MYO7A: variants seen among roughly 807,000 people sequenced by gnomAD.
MYO7A encodes the protein myosin VIIA, also known as unconventional myosin-VIIa.
MYO7A carries 210 observed loss-of-function variants against 263.8 expected under a neutral mutation model. The observed-to-expected ratio is 0.80, with a 90% CI of 0.71 to 0.89. The LOEUF is 0.89. Among genes scored for constraint, MYO7A ranks in the 40% least tolerant of loss-of-function variants. The pLI, the probability that MYO7A is intolerant of heterozygous loss-of-function variation, is 0.00. For synonymous variants in MYO7A, 1,239 were observed against 1,197.3 expected (o/e 1.03, Z -0.72); for missense variants, 2,820 against 2,968.3 (o/e 0.95, Z 1.16).
At chr11:77,177,951 A>G (rs1300682603) in intron 19 of MYO7A, among the ~76,000 whole-genome samples, 1 of 152,134 alleles carries the variant, frequency 6.6e-6, no homozygotes, top group African/African-American at 2.4e-5. Context: ...TGCTGATGAA[A>G]TTTTGCAAAG....
intron 32 of MYO7A, among the ~76,000 whole-genome samples, chr11:77,195,698 G>A (rs1436670644): frequency 6.6e-6 from 1 of 152,232 alleles, no homozygotes. Flanking sequence ...GCTCCTCAGA[G>A]TGTCTGTCCC....
At chr11:77,184,358 C>T (rs1186094946) in intron 26 of MYO7A, among the ~76,000 whole-genome samples, 2 of 152,128 alleles carry the variant, frequency 1.3e-5, no homozygotes, top group African/African-American at 2.4e-5. Context: ...GGAGCTCTGT[C>T]CCCAGAAGTG....
rs1466151988 is a variant in MYO7A at position 77,138,813 on chromosome 11, C to A, written c.19-3896C>A. ...GGTCTCCTCTCCAAACTATGTTTAG[C>A]AACTAGACACTAGCAAGATGCTTGG... On this transcript the variant is annotated intron_variant, in intron 2 of 48. Coordinates refer to ENST00000409709, the MANE Select transcript of MYO7A (RefSeq NM_000260.4). The surrounding 1 kb of genome is among the most constrained non-coding windows in gnomAD (Gnocchi z 4.9). 1.3e-5 allele frequency among the ~76,000 whole-genome samples: 2 copies of A among 152,230 alleles called. No individual in the cohort carries two copies. Among genetic ancestry groups the A allele is most frequent in the African/African-American group, 4.8e-5 (2 of 41,468 alleles).
Position 77,162,125 on chromosome 11 carries a change from A to T in MYO7A, c.1349A>T (p.Glu450Val), listed in dbSNP as rs1555069238. Residue 450 changes from glutamate to valine, a missense_variant, in exon 13 of 49, where the codon GAG (glutamate) becomes GTG (valine). Glu to Val is a moderately radical substitution (Grantham distance 121, BLOSUM62 -2). Coordinates refer to ENST00000409709, the MANE Select transcript of MYO7A (RefSeq NM_000260.4). ...CCATCCCTGTGCCCCTGCAGCTTTG[A>T]GCAGCTCTGCATCAACTTCGCCAAT... ...GFENFAVNSF[E>V]QLCINFANEH... is the part of the protein sequence containing the mutation. 6.3e-7 allele frequency: 1 copy of T among 1,598,688 alleles called. No homozygotes were observed. The highest frequency in any genetic ancestry group is 8.5e-7 in the Non-Finnish European group (1 of 1,172,698).
chr11:77,181,772 TTTTTTTG>T lies in MYO7A; in HGVS notation c.2905-172_2905-166del, dbSNP rs1268811703. 0.17 allele frequency among the ~76,000 whole-genome samples: 7,075 copies of T among 42,706 alleles called. 278 individuals are homozygous for T. The highest frequency in any genetic ancestry group is 0.3 in the Admixed American group (1,568 of 5,184). 28.0% of individuals were successfully genotyped at this position (42,706 alleles called of 152,430 possible). ...CTCTCCAACGCCCTTCTCAAGTTTT[TTTTTTTG>T]TTTTTTTTTTTTTTTTTTTTTTTGA... On this transcript the variant is annotated intron_variant, in intron 23 of 48. Coordinates refer to ENST00000409709, the MANE Select transcript of MYO7A (RefSeq NM_000260.4).
chr11:77,179,023 C>T lies in MYO7A; in HGVS notation c.2283-22C>T, dbSNP rs71469548. 7.6e-3 allele frequency: 12,045 copies of T among 1,577,320 alleles called. 53 individuals are homozygous for T. Among genetic ancestry groups the T allele is most frequent in the Non-Finnish European group, 9.7e-3 (11,290 of 1,161,234 alleles). The stretch of plus-strand genomic sequence containing the variant: ...TGGCTGCCTCTGGACACTGCTCACC[C>T]GCGCCACTACTGCTGTTTCAGGTCT... On this transcript the variant is annotated intron_variant, in intron 19 of 48. Transcript: ENST00000409709.
At chr11:77,160,883 G>T in intron 11 of MYO7A, 90 bp from the exon 12 acceptor site, 14 of 1,461,780 alleles carry the variant, frequency 9.6e-6, no homozygotes, top group Non-Finnish European at 1.3e-5. Context: ...CCACACAAGG[G>T]CTGGAGCGAC....
In MYO7A at chr11:77,189,406, C is replaced by A. The variant is rs782171088; in HGVS notation, c.3566C>A (p.Ala1189Asp). Residue 1189 changes from alanine to aspartate, a missense_variant, in exon 28 of 49, where the codon GCC becomes GAC. Physicochemically the swap from Ala to Asp is moderately radical, Grantham distance 126. Transcript: ENST00000409709. ...LTHNPSKSSY[A>D]RGWILVSLCV... Reference sequence around the variant, plus strand: ...CACAACCCCTCCAAGAGCAGCTATGCCCGGGGCTGGATTCTCGTGTCTCTC... The same window carrying A: ...CACAACCCCTCCAAGAGCAGCTATGACCGGGGCTGGATTCTCGTGTCTCTC... The A allele has an allele frequency of 6.2e-7, 1 of 1,613,902 alleles. No individual in the cohort carries two copies. The highest frequency in any genetic ancestry group is 8.5e-7 in the Non-Finnish European group (1 of 1,179,898).
chr11:77,183,012 G>C lies in MYO7A; in HGVS notation c.3286-56G>C, dbSNP rs781822577. 24 of 1,426,982 alleles carry C rather than the reference G, an allele frequency of 1.7e-5. 1 individual carries two copies. In the South Asian group the frequency reaches 2.9e-4, roughly 18 times the overall value. 88.4% of individuals were successfully genotyped at this position (1,426,982 alleles called of 1,614,324 possible). ...TCCCCGCAAAGTCTTGCTGTCGGGGGTCTCGACATTGCTTTCTGCTCAGCC... is the reference window on the plus strand; with the variant it reads ...TCCCCGCAAAGTCTTGCTGTCGGGGCTCTCGACATTGCTTTCTGCTCAGCC... On this transcript the variant is annotated intron_variant, in intron 25 of 48. Transcript: ENST00000409709.
chr11:77,189,225 TG>T, intron 27 of MYO7A, 118 bp from the exon 28 acceptor site: 5 of 1,424,782 alleles, frequency 3.5e-6, no homozygotes, highest in Non-Finnish European at 4.7e-6. Context: ...TCCTCCCGGG[TG>T]GTCTTGGCAA....
chr11:77,204,264 C>T (rs765713142), intron 39 of MYO7A, 35 bp downstream of exon 39: 11 of 1,553,040 alleles, frequency 7.1e-6, no homozygotes, highest in Non-Finnish European at 8.7e-6. Context: ...GAGGGGCAGA[C>T]CTCACCTGCT....
chr11:77,157,786 G>T (rs1195289819), intron 8 of MYO7A, among the ~76,000 whole-genome samples: 2 of 152,144 alleles, frequency 1.3e-5, no homozygotes, highest in Non-Finnish European at 2.9e-5. Context: ...TCTGTAGCTG[G>T]CTGGCACACA....
chr11:77,166,169 C>T lies in MYO7A; in HGVS notation c.1797+7C>T, dbSNP rs782820757. The T allele has an allele frequency of 4.7e-5, 76 of 1,612,896 alleles. No individual in the cohort carries two copies. The highest frequency in any genetic ancestry group is 3.3e-4 in the Middle Eastern group (2 of 6,082). The stretch of plus-strand genomic sequence containing the variant: ...CCAGGCCGATGTCGCCATGGTAAGC[C>T]GGGTGCGGTTTCTGTTGTTCGGGAA... On this transcript the variant is annotated splice_region_variant and intron_variant, in intron 15 of 48. Coordinates refer to ENST00000409709, the MANE Select transcript of MYO7A (RefSeq NM_000260.4).
At chr11:77,161,712 C>G (rs1195484166) in intron 12 of MYO7A, among the ~76,000 whole-genome samples, 1 of 152,236 alleles carries the variant, frequency 6.6e-6, no homozygotes. Context: ...CAAGTCTTGT[C>G]AACCCCCTTC....
chr11:77,199,966 C>T, intron 35 of MYO7A, 148 bp downstream of exon 35: 1 of 928,318 alleles, frequency 1.1e-6, no homozygotes, highest in Non-Finnish European at 1.5e-6. Context: ...GTTCTGCAGG[C>T]ACTACAAGAA....
intron 22 of MYO7A, 70 bp from the exon 23 acceptor site, chr11:77,181,310 A>C: frequency 6.5e-6 from 9 of 1,394,222 alleles, no homozygotes; most frequent in Non-Finnish European, 8.6e-6. Context: ...CTCCCCAGGG[A>C]GAGCTTGTTC....
chr11:77,190,578 T>C (rs1025949463), intron 29 of MYO7A, 119 bp from the exon 30 acceptor site: 23 of 1,049,086 alleles, frequency 2.2e-5, no homozygotes, highest in African/African-American at 3.2e-5. Flanking sequence ...CCCAGTGAGG[T>C]ACTGGGGCCT....
In MYO7A at chr11:77,171,572, G is replaced by A. The variant is rs80090049; in HGVS notation, c.1798-1176G>A. Reference sequence around the variant, plus strand: ...TCTGGTGGCATAGTACCTAAATTGAGTATGAGCACAACACCTTTGTCCCCC... The same window carrying A: ...TCTGGTGGCATAGTACCTAAATTGAATATGAGCACAACACCTTTGTCCCCC... On this transcript the variant is annotated intron_variant, in intron 15 of 48. Transcript: ENST00000409709. Among the ~76,000 whole-genome samples the A allele has an allele frequency of 8.7e-3, 1,329 of 152,246 alleles. 44 individuals are homozygous for A. In the East Asian group the frequency reaches 0.091, roughly 10 times the overall value.
chr11:77,159,425 C>T, intron 9 of MYO7A, 22 bp from the exon 10 acceptor site: 2 of 606,568 alleles, frequency 3.3e-6, no homozygotes, highest in Non-Finnish European at 6.1e-6. Context: ...TCCCCTGATG[C>T]TGTGCCCCTT....
Sources: gnomAD v4.1 joint callset for allele counts (sites outside exome capture counted in the v4.1 genomes callset) on GRCh38, gnomAD v4.1.1 for gene constraint, Gnocchi (gnomAD v3.1) non-coding constraint, MANE v1.5 for transcripts, NCBI Gene and HGNC (gene_info 2026-07-23, HGNC 2026-07-21) for gene names.